The following CTNNA3 variants were observed in gnomAD, a reference collection of about 807,000 sequenced individuals.
CTNNA3 encodes the protein catenin alpha-3.
A neutral mutation model predicts 95.7 loss-of-function variants in CTNNA3; 76 were observed. The observed-to-expected ratio is 0.79, with a 90% CI of 0.66 to 0.96. The LOEUF (loss-of-function observed/expected upper bound fraction) is 0.96, where lower values mean the gene tolerates loss of function less well. Among genes scored for constraint, CTNNA3 ranks in the 40% least tolerant of loss-of-function variants. The probability of loss-of-function intolerance (pLI) is 0.00; values close to 1 mark genes in which losing one functional copy is unlikely to be tolerated. For missense variants in CTNNA3, 1,191 were observed against 1,089.8 expected (o/e 1.09, Z -1.31); for synonymous variants, 431 against 374.4 (o/e 1.15, Z -1.74).
At chr10:66,459,197 A>G (rs921403736) in intron 11 of CTNNA3, among the ~76,000 whole-genome samples, 1 of 152,126 alleles carries the variant, frequency 6.6e-6, no homozygotes, top group Non-Finnish European at 1.5e-5. Flanking sequence ...TTATTATTTT[A>G]ATAACATTTT....
At chr10:67,175,551 T>C (rs1168215430) in intron 7 of CTNNA3, among the ~76,000 whole-genome samples, 1 of 152,078 alleles carries the variant, frequency 6.6e-6, no homozygotes, top group East Asian at 1.9e-4. Context: ...TGCTTCCACA[T>C]AAAACACCAA....
rs559842313 is a variant in CTNNA3 at position 67,291,432 on chromosome 10, C to T, written c.580-71562G>A. On this transcript the variant is annotated intron_variant, in intron 5 of 17. Transcript: ENST00000433211. ...ACTGATTTTCTATAGGTCTCCACAG[C>T]ACTTGCTCACCCACCTCTTTACAAA... Among the ~76,000 whole-genome samples the T allele has an allele frequency of 2.6e-5, 4 of 152,294 alleles. No individual in the cohort carries two copies. In the East Asian group the frequency reaches 7.7e-4, roughly 29 times the overall value.
chr10:67,749,861 T>C (rs572756912), intron 1 of CTNNA3, among the ~76,000 whole-genome samples: 51 of 152,108 alleles, frequency 3.4e-4, no homozygotes, highest in African/African-American at 1.2e-3. Context: ...TCAAAAAAAA[T>C]CAGTGAATCC....
chr10:67,663,800 T>C (rs566236185), intron 1 of CTNNA3, among the ~76,000 whole-genome samples: 83 of 152,306 alleles, frequency 5.4e-4, no homozygotes, highest in African/African-American at 1.9e-3. Context: ...ACTACCCTCT[T>C]GTCTTTTTTC....
chr10:67,124,332 CGGTG>C (rs1390602339), intron 7 of CTNNA3, among the ~76,000 whole-genome samples: 2 of 95,836 alleles, frequency 2.1e-5, no homozygotes, highest in African/African-American at 8.7e-5. Context: ...GGTGTGTTAG[CGGTG>C]TGTGTGTGTG....
intron 12 of CTNNA3, among the ~76,000 whole-genome samples, chr10:66,286,431 A>T (rs972353436): frequency 3.9e-5 from 6 of 152,036 alleles, no homozygotes; most frequent in Non-Finnish European, 7.4e-5. Context: ...CCTCTTTTAG[A>T]ATCACTCACC....
intron 12 of CTNNA3, among the ~76,000 whole-genome samples, chr10:66,369,535 T>C (rs2092737359): frequency 6.6e-6 from 1 of 152,180 alleles, no homozygotes; most frequent in Non-Finnish European, 1.5e-5. Context: ...CTTTAAGTTT[T>C]AGGGTACATG....
chr10:66,454,048 C>A (rs532833604), intron 11 of CTNNA3, among the ~76,000 whole-genome samples: 330 of 131,362 alleles, frequency 2.5e-3, no homozygotes, highest in African/African-American at 9.9e-3. Context: ...AGTAGGTCAG[C>A]GTGATGAGTT....
At chr10:66,388,688 C>CT (rs56057137) in intron 11 of CTNNA3, among the ~76,000 whole-genome samples, 24,564 of 151,712 alleles carry the variant, frequency 0.16, 2,724 homozygotes, top group East Asian at 0.45. Flanking sequence ...AATAAAATAA[C>CT]GAAAAGAAGC....
intron 7 of CTNNA3, among the ~76,000 whole-genome samples, chr10:66,833,001 C>A (rs940813691): frequency 6.6e-6 from 1 of 152,162 alleles, no homozygotes; most frequent in African/African-American, 2.4e-5. Flanking sequence ...AGGCAGTTCA[C>A]CCCCTTCCTG....
At chr10:67,272,309 T>C (rs1167337781) in intron 5 of CTNNA3, among the ~76,000 whole-genome samples, 2 of 152,188 alleles carry the variant, frequency 1.3e-5, no homozygotes, top group South Asian at 2.1e-4. Context: ...CCTAGCACTT[T>C]GGGAGGCTGA....
At chr10:67,439,718 C>T (rs895481040) in intron 5 of CTNNA3, among the ~76,000 whole-genome samples, 6 of 152,200 alleles carry the variant, frequency 3.9e-5, no homozygotes, top group African/African-American at 1.4e-4. Context: ...TTTCTCAACA[C>T]ACCCTGGGAA....
At chr10:66,440,593 C>T (rs1419853847) in intron 11 of CTNNA3, among the ~76,000 whole-genome samples, 2 of 152,136 alleles carry the variant, frequency 1.3e-5, no homozygotes, top group Admixed American at 6.5e-5. Flanking sequence ...TGTAACTATA[C>T]ACTACCCATC....
chr10:66,222,327 G>C (rs1429743518), intron 13 of CTNNA3, among the ~76,000 whole-genome samples: 1 of 152,106 alleles, frequency 6.6e-6, no homozygotes, highest in Non-Finnish European at 1.5e-5. Flanking sequence ...GATAAGTGTA[G>C]AAAGGGCCAT....
At chr10:66,404,864 G>A (rs1198613429) in intron 11 of CTNNA3, among the ~76,000 whole-genome samples, 2 of 151,954 alleles carry the variant, frequency 1.3e-5, no homozygotes, top group East Asian at 3.9e-4. Flanking sequence ...GTGGCCCAGG[G>A]AAGCCAAAAG....
intron 11 of CTNNA3, among the ~76,000 whole-genome samples, chr10:66,459,600 G>A (rs2093515370): frequency 6.6e-6 from 1 of 152,130 alleles, no homozygotes; most frequent in African/African-American, 2.4e-5. Context: ...TACATTCTGA[G>A]AAATATGTTG....
chr10:67,730,184 C>A (rs1841266557), intron 1 of CTNNA3, among the ~76,000 whole-genome samples: 1 of 152,034 alleles, frequency 6.6e-6, no homozygotes, highest in Non-Finnish European at 1.5e-5. Context: ...TTAGAAATTT[C>A]TAAGTAAAAC....
At chr10:67,462,954 G>A (rs1847440936) in intron 5 of CTNNA3, among the ~76,000 whole-genome samples, 1 of 150,986 alleles carries the variant, frequency 6.6e-6, no homozygotes, top group Non-Finnish European at 1.5e-5. Context: ...ACCCAGGCTG[G>A]AGTGCAGTCA....
intron 5 of CTNNA3, among the ~76,000 whole-genome samples, chr10:67,417,931 A>G (rs951445437): frequency 2.6e-5 from 4 of 152,174 alleles, no homozygotes; most frequent in Admixed American, 2.0e-4. Flanking sequence ...ATTTTTCATA[A>G]GAGCCCAAAA....
Sources: allele counts gnomAD v4.1 joint callset (sites outside exome capture counted in the v4.1 genomes callset), GRCh38; gene constraint gnomAD v4.1.1; transcripts MANE v1.5; gene names NCBI Gene and HGNC (gene_info 2026-07-23, HGNC 2026-07-21).